WASHC3: variants seen among roughly 807,000 people sequenced by gnomAD.
WASHC3 encodes WASH complex subunit 3.
WASHC3 carries 24 observed loss-of-function variants against 26.1 expected under a neutral mutation model. The observed-to-expected ratio is 0.92, with a 90% CI of 0.66 to 1.29. WASHC3 has a LOEUF of 1.29. WASHC3 is among the 50% of genes most tolerant of loss of function. The pLI, the probability that WASHC3 is intolerant of heterozygous loss-of-function variation, is 0.00. For missense variants in WASHC3, 214 were observed against 229.6 expected (o/e 0.93, Z 0.44); for synonymous variants, 77 against 75.7 (o/e 1.02, Z -0.09).
chr12:102,035,753 C>T (rs1355785827), intron 5 of WASHC3, among the ~76,000 whole-genome samples: 1 of 152,082 alleles, frequency 6.6e-6, no homozygotes, highest in African/African-American at 2.4e-5. Context: ...TACCATTCTC[C>T]CTCTCATGGT....
Position 102,027,174 on chromosome 12 carries a change from C to T in WASHC3, c.436-1136G>A, listed in dbSNP as rs568886390. Among the ~76,000 whole-genome samples, 54 of 152,194 alleles carry T rather than the reference C, an allele frequency of 3.5e-4. No individual in the cohort carries two copies. In the East Asian group the frequency reaches 5.2e-3, roughly 15 times the overall value. The stretch of plus-strand genomic sequence containing the variant: ...TGTCACCTCAATTATTTATTATTTG[C>T]GGTAAGAACTTTTAAAATTCTCTCC... On this transcript the variant is annotated intron_variant, in intron 5 of 6. Transcript: ENST00000240079.
At chr12:102,032,285 A>G (rs1877468869) in intron 5 of WASHC3, among the ~76,000 whole-genome samples, 1 of 152,184 alleles carries the variant, frequency 6.6e-6, no homozygotes, top group African/African-American at 2.4e-5. Context: ...AGTGTCTAAG[A>G]GACTGTTTTG....
At chr12:102,031,123 T>C (rs1008408423) in intron 5 of WASHC3, among the ~76,000 whole-genome samples, 4 of 152,204 alleles carry the variant, frequency 2.6e-5, no homozygotes, top group Non-Finnish European at 5.9e-5. Flanking sequence ...GGCATAATCA[T>C]TCTTCACACA....
chr12:102,057,046 C>T (rs140989546), intron 2 of WASHC3, among the ~76,000 whole-genome samples: 2,059 of 152,204 alleles, frequency 0.014, 21 homozygotes, highest in South Asian at 0.028. Context: ...AATACAACAG[C>T]GCATTAAAAA....
At chr12:102,035,229 C>T (rs147110589) in intron 5 of WASHC3, among the ~76,000 whole-genome samples, 5 of 152,210 alleles carry the variant, frequency 3.3e-5, no homozygotes, top group Admixed American at 2.0e-4. Flanking sequence ...AGTTGCCCCA[C>T]TGAAAATTTA....
Position 102,044,137 on chromosome 12 carries a change from C to G in WASHC3, c.292G>C (p.Ala98Pro), listed in dbSNP as rs1878056733. The change falls in exon 4 of 7, where the codon GCA becomes CCA. Residue 98 changes from alanine (A) to proline (P), a missense_variant. Coordinates refer to ENST00000240079, the MANE Select transcript of WASHC3 (RefSeq NM_016053.4). The part of the protein sequence containing the change: ...PLNVTSVTNG[A>P]HPEATSEQPQ... ...TGCTCTGAAGTGGCTTCAGGATGTG[C>G]TCCATTTGTGACACTGGTGACATTT... is the stretch of plus-strand genomic sequence containing the variant. 3 of 1,608,048 alleles carry G rather than the reference C, an allele frequency of 1.9e-6. No individual in the cohort carries two copies. The South Asian group carries it at 3.3e-5, about 18-fold the overall frequency.
chr12:102,061,493 G>A (rs1278826761), intron 1 of WASHC3, 147 bp from the exon 2 acceptor site: 2 of 648,358 alleles, frequency 3.1e-6, no homozygotes, highest in Non-Finnish European at 5.6e-6. Context: ...TGTTTCCTAA[G>A]CTGTGGGTGG....
rs532417258 is a variant in WASHC3 at position 102,035,821 on chromosome 12, A to G, written c.435+4047T>C. Among the ~76,000 whole-genome samples the G allele has an allele frequency of 3.0e-4, 46 of 152,352 alleles. No homozygotes were observed. In the South Asian group the frequency reaches 9.1e-3, roughly 30 times the overall value. On this transcript the variant is annotated intron_variant, in intron 5 of 6. Transcript: ENST00000240079. ...CAGATAATCATAAAACAGAGTATTA[A>G]GTGACAAACTCCAGGAAGAATACCG...
chr12:102,029,900 C>T (rs1038963314), intron 5 of WASHC3, among the ~76,000 whole-genome samples: 3 of 152,266 alleles, frequency 2.0e-5, no homozygotes, highest in African/African-American at 7.2e-5. Flanking sequence ...TGTTAAAAGG[C>T]AGCTAGTCCC....
intron 6 of WASHC3, among the ~76,000 whole-genome samples, chr12:102,013,782 T>C (rs1299390950): frequency 6.6e-6 from 1 of 152,164 alleles, no homozygotes; most frequent in Non-Finnish European, 1.5e-5. Context: ...AAAGTATGAG[T>C]TGGCAAAAAT....
intron 5 of WASHC3, 150 bp downstream of exon 5, chr12:102,039,718 G>A (rs1594361730): frequency 2.6e-6 from 1 of 383,488 alleles, no homozygotes. Context: ...TTTAATCAGA[G>A]AATTAAAATA....
chr12:102,015,158 A>G (rs1309192469), intron 6 of WASHC3, among the ~76,000 whole-genome samples: 2 of 152,138 alleles, frequency 1.3e-5, no homozygotes. Context: ...TAGAGAAATT[A>G]GCCAGTAGTG....
chr12:102,037,023 A>G (rs1371759966), intron 5 of WASHC3, among the ~76,000 whole-genome samples: 1 of 152,224 alleles, frequency 6.6e-6, no homozygotes, highest in African/African-American at 2.4e-5. Flanking sequence ...TTTTTAAGCA[A>G]TTCTTAATCA....
At chr12:102,033,750 T>G (rs1389999847) in intron 5 of WASHC3, among the ~76,000 whole-genome samples, 1 of 151,954 alleles carries the variant, frequency 6.6e-6, no homozygotes, top group Non-Finnish European at 1.5e-5. Context: ...AAGAGTTTTT[T>G]TTTTTGAGAC....
chr12:102,015,297 A>T (rs1876650963), intron 6 of WASHC3, among the ~76,000 whole-genome samples: 1 of 152,210 alleles, frequency 6.6e-6, no homozygotes, highest in African/African-American at 2.4e-5. Context: ...TCTCAAAAAA[A>T]AAAGGAAAAG....
At chr12:102,035,055 A>G (rs866661567) in intron 5 of WASHC3, among the ~76,000 whole-genome samples, 107 of 152,222 alleles carry the variant, frequency 7.0e-4, no homozygotes, top group African/African-American at 2.5e-3. Context: ...ATTTTATCAG[A>G]TGGGGCATAC....
intron 6 of WASHC3, among the ~76,000 whole-genome samples, chr12:102,023,105 A>C (rs1454479769): frequency 3.3e-5 from 5 of 152,170 alleles, no homozygotes. Flanking sequence ...TTTAGTAATT[A>C]TCAGGCATTT....
intron 2 of WASHC3, among the ~76,000 whole-genome samples, chr12:102,048,887 G>T (rs1173510936): frequency 6.6e-6 from 1 of 152,126 alleles, no homozygotes; most frequent in African/African-American, 2.4e-5. Flanking sequence ...GATTAAGAAA[G>T]AACTACTTTT....
intron 3 of WASHC3, among the ~76,000 whole-genome samples, chr12:102,044,484 C>T (rs1249688940): frequency 6.6e-6 from 1 of 152,190 alleles, no homozygotes; most frequent in Non-Finnish European, 1.5e-5. Context: ...GTCAGACTGT[C>T]AGGTTTAACT....
Sources: gnomAD v4.1 joint callset for allele counts (sites outside exome capture counted in the v4.1 genomes callset) on GRCh38, gnomAD v4.1.1 for gene constraint, MANE v1.5 for transcripts, NCBI Gene and HGNC (gene_info 2026-07-23, HGNC 2026-07-21) for gene names.